The following DPYS variants were observed in gnomAD, a reference collection of about 807,000 sequenced individuals.
DPYS encodes dihydropyrimidine amidohydrolase.
Under a neutral mutation model 50.3 loss-of-function variants are expected in DPYS, and 39 were observed. The ratio of observed to expected loss-of-function variants is 0.78; its 90% CI spans 0.60 to 1.01. The LOEUF (loss-of-function observed/expected upper bound fraction) is 1.01. Ranked by LOEUF, DPYS falls within the 50% of genes least tolerant of loss-of-function variation. DPYS has a pLI of 0.00. For synonymous variants in DPYS, 245 were observed against 250.7 expected (o/e 0.98, Z 0.22); for missense variants, 659 against 680.9 (o/e 0.97, Z 0.36).
intron 6 of DPYS, among the ~76,000 whole-genome samples, chr8:104,425,425 C>T (rs976790608): frequency 6.6e-6 from 1 of 151,748 alleles, no homozygotes; most frequent in African/African-American, 2.4e-5. Context: ...ATTACTTTTG[C>T]ACCAACCTAA....
rs1588470870 is a variant in DPYS, at chr8:104,466,773, G to A, written c.148C>T (p.Arg50Trp). 6.5e-7 allele frequency: 1 copy of A among 1,534,134 alleles called. No individual in the cohort carries two copies. Among genetic ancestry groups the A allele is most frequent in the Middle Eastern group, 1.8e-4 (1 of 5,432 alleles). ...LPPGGAPAGL[R>W]VLDAAGKLVL... ...AGCTTGCCGGCGGCGTCGAGGACCC[G>A]CAGCCCCGCAGGAGCGCCCCCGGGA... Residue 50 changes from arginine (R) to tryptophan (W), a missense_variant, in exon 1 of 10, where the codon CGG (arginine) becomes TGG (tryptophan). Physicochemically the swap from Arg to Trp is moderately radical, Grantham distance 101. Coordinates refer to ENST00000351513, the MANE Select transcript of DPYS (RefSeq NM_001385.3).
intron 9 of DPYS, 184 bp downstream of exon 9, chr8:104,381,000 C>A: frequency 1.7e-6 from 1 of 577,274 alleles, no homozygotes; most frequent in South Asian, 1.9e-5. Flanking sequence ...AAGCCCAAGG[C>A]CTTCTACAAT....
chr8:104,399,981 C>G (rs1306948279), intron 7 of DPYS, among the ~76,000 whole-genome samples: 5 of 151,428 alleles, frequency 3.3e-5, no homozygotes, highest in African/African-American at 1.2e-4. Context: ...TGGGCAATTG[C>G]ATTCTCTTTC....
chr8:104,451,202 G>A (rs1383288135), intron 2 of DPYS, 44 bp downstream of exon 2: 1 of 1,611,914 alleles, frequency 6.2e-7, no homozygotes, highest in South Asian at 1.1e-5. Flanking sequence ...TGCAGAGTGA[G>A]GACAAGAGGA....
chr8:104,451,929 C>T (rs1813756434), intron 1 of DPYS, among the ~76,000 whole-genome samples: 1 of 152,108 alleles, frequency 6.6e-6, no homozygotes, highest in Admixed American at 6.5e-5. Flanking sequence ...CCACTGCTAC[C>T]ACCCTGGTCT....
At chr8:104,460,796 G>A (rs1814101033) in intron 1 of DPYS, among the ~76,000 whole-genome samples, 1 of 152,118 alleles carries the variant, frequency 6.6e-6, no homozygotes, top group African/African-American at 2.4e-5. Context: ...TGAGTCTGAA[G>A]GTTAAGTTTG....
intron 7 of DPYS, among the ~76,000 whole-genome samples, chr8:104,423,658 T>C (rs1429335282): frequency 1.3e-5 from 2 of 152,178 alleles, no homozygotes; most frequent in Non-Finnish European, 2.9e-5. Flanking sequence ...TAACGTCCTA[T>C]AAGGAGACAA....
At chr8:104,456,805 A>G (rs1393814244) in intron 1 of DPYS, among the ~76,000 whole-genome samples, 1 of 152,232 alleles carries the variant, frequency 6.6e-6, no homozygotes, top group Non-Finnish European at 1.5e-5. Flanking sequence ...CTTCCAGTTT[A>G]TCTAAAAAAC....
At chr8:104,402,749 T>G (rs1484067187) in intron 7 of DPYS, among the ~76,000 whole-genome samples, 1 of 152,112 alleles carries the variant, frequency 6.6e-6, no homozygotes, top group Admixed American at 6.6e-5. Context: ...CTCCATATTT[T>G]AGGAAGAAAA....
intron 7 of DPYS, among the ~76,000 whole-genome samples, chr8:104,423,756 G>A (rs1170757673): frequency 6.6e-6 from 1 of 152,140 alleles, no homozygotes; most frequent in African/African-American, 2.4e-5. Context: ...ATGGAAATTG[G>A]AAACAAAAAG....
At chr8:104,392,700 C>CT (rs1423552710) in intron 8 of DPYS, 84 bp downstream of exon 8, 4 of 1,529,726 alleles carry the variant, frequency 2.6e-6, no homozygotes, top group Non-Finnish European at 3.6e-6. Flanking sequence ...GTGTCAACAC[C>CT]ACTACTACCA....
intron 1 of DPYS, among the ~76,000 whole-genome samples, chr8:104,457,971 G>A (rs148983361): frequency 2.0e-5 from 3 of 152,210 alleles, no homozygotes; most frequent in African/African-American, 4.8e-5. Context: ...CTACTCCTGC[G>A]TCTTCACCTC....
At chr8:104,415,927 A>G (rs1273293938) in intron 7 of DPYS, among the ~76,000 whole-genome samples, 2 of 152,152 alleles carry the variant, frequency 1.3e-5, no homozygotes, top group African/African-American at 4.8e-5. Context: ...ACCTACTACT[A>G]CTATCTATTA....
intron 7 of DPYS, chr8:104,423,981 G>T: frequency 1.0e-6 from 1 of 985,248 alleles, no homozygotes; most frequent in Non-Finnish European, 1.2e-6. Context: ...CATTTGCCAG[G>T]CACTGAAGTG....
chr8:104,425,629 C>T (rs1040567470), intron 6 of DPYS, among the ~76,000 whole-genome samples: 2 of 151,956 alleles, frequency 1.3e-5, no homozygotes, highest in African/African-American at 4.8e-5. Context: ...AGATGCAATC[C>T]TTTTGAAAAG....
At chr8:104,438,761 C>T (rs1034054079) in intron 4 of DPYS, among the ~76,000 whole-genome samples, 3 of 152,058 alleles carry the variant, frequency 2.0e-5, no homozygotes, top group African/African-American at 7.2e-5. Context: ...GCACTTAGGG[C>T]CTCTAAGTTT....
chr8:104,402,799 A>C (rs566653141), intron 7 of DPYS, among the ~76,000 whole-genome samples: 2 of 152,350 alleles, frequency 1.3e-5, no homozygotes, highest in East Asian at 3.9e-4. Flanking sequence ...TCCTAGGCCA[A>C]CTAAGAATCC....
chr8:104,455,492 GA>G (rs1813892673), intron 1 of DPYS, among the ~76,000 whole-genome samples: 1 of 152,220 alleles, frequency 6.6e-6, no homozygotes, highest in South Asian at 2.1e-4. Context: ...GGAGGAGCAT[GA>G]TCTGCACTTA....
intron 2 of DPYS, among the ~76,000 whole-genome samples, chr8:104,448,776 G>A (rs1028509655): frequency 1.3e-5 from 2 of 152,136 alleles, no homozygotes; most frequent in African/African-American, 2.4e-5. Context: ...ATAAAGCAGC[G>A]TAATTCTATT....
Sources: allele counts gnomAD v4.1 joint callset (sites outside exome capture counted in the v4.1 genomes callset), GRCh38; gene constraint gnomAD v4.1.1; transcripts MANE v1.5; gene names NCBI Gene and HGNC (gene_info 2026-07-23, HGNC 2026-07-21).